ZNF714: variants seen among roughly 807,000 people sequenced by gnomAD.
The protein encoded by ZNF714 is zinc finger protein 714.
A neutral mutation model predicts 46.2 loss-of-function variants in ZNF714; 32 were observed. The observed-to-expected ratio is 0.69, with a 90% CI of 0.52 to 0.93. The LOEUF (loss-of-function observed/expected upper bound fraction) is 0.93. Ranked by LOEUF, ZNF714 falls within the 40% of genes least tolerant of loss-of-function variation. The pLI, the probability that ZNF714 is intolerant of heterozygous loss-of-function variation, is 0.00. For synonymous variants in ZNF714, 199 were observed against 213.1 expected (o/e 0.93, Z 0.58); for missense variants, 635 against 646.3 (o/e 0.98, Z 0.19).
Position 21,118,243 on chromosome 19 carries a change from G to A in ZNF714, c.1579G>A (p.Gly527Arg). 1.3e-6 allele frequency: 2 copies of A among 1,538,952 alleles called. No individual in the cohort carries two copies. The highest frequency in any genetic ancestry group is 1.2e-5 in the South Asian group (1 of 86,356). ...ACTAGGTGAGCAGATCGCGAGGTCA[G>A]GAGTTCAAGACCAGCCTGGCCAACA... Reference protein sequence around the residue: ...RGLGEQIARSGVQDQPGQHGK... With the variant: ...RGLGEQIARSRVQDQPGQHGK... The change falls in exon 5 of 5, where the codon GGA becomes AGA. Residue 527 changes from glycine to arginine, a missense_variant. Coordinates refer to ENST00000456283, the MANE Select transcript of ZNF714 (RefSeq NM_182515.4).
At chr19:21,093,594 A>G (rs780874128) in intron 2 of ZNF714, among the ~76,000 whole-genome samples, 25 of 151,886 alleles carry the variant, frequency 1.6e-4, no homozygotes, top group Non-Finnish European at 2.8e-4. Flanking sequence ...TCATGTTTAC[A>G]TACCATACTT....
chr19:21,105,486 T>C (rs1969289101), intron 4 of ZNF714, among the ~76,000 whole-genome samples: 1 of 152,230 alleles, frequency 6.6e-6, no homozygotes, highest in Admixed American at 6.5e-5. Flanking sequence ...GTGCAGAAAT[T>C]CTGAAGTATA....
intron 2 of ZNF714, among the ~76,000 whole-genome samples, chr19:21,096,680 T>C (rs1969048817): frequency 1.3e-5 from 2 of 152,126 alleles, no homozygotes; most frequent in Non-Finnish European, 2.9e-5. Flanking sequence ...ATTAAAAGTG[T>C]TCCTTTTGTG....
chr19:21,109,558 A>C (rs1969398754), intron 4 of ZNF714: 1 of 228,618 alleles, frequency 4.4e-6, no homozygotes, highest in Admixed American at 6.5e-5. Flanking sequence ...ATATAAAGTT[A>C]CTATTACCAG....
At position 21,098,910 on chromosome 19, in the gene ZNF714, G is replaced by A; in HGVS notation, c.142G>A (p.Ala48Thr). ...KICEMVDESPAMCSSFTRDLW... is the reference protein window; with the variant it reads ...KICEMVDESPTMCSSFTRDLW... ...ATGTGAGATGGTGGATGAATCCCCA[G>A]GTAGGTGAGAGTGAACACAACAGAT... The change falls in exon 4 of 5, where the codon GCT becomes ACT. Residue 48 changes from alanine to threonine, a missense_variant and splice_region_variant. Ala to Thr is a moderately conservative substitution (Grantham distance 58, BLOSUM62 0). Coordinates refer to ENST00000456283, the MANE Select transcript of ZNF714 (RefSeq NM_182515.4). 6.3e-7 allele frequency: 1 copy of A among 1,588,552 alleles called. No individual in the cohort carries two copies. Among genetic ancestry groups the A allele is most frequent in the Non-Finnish European group, 8.6e-7 (1 of 1,162,102 alleles).
At chr19:21,090,221 A>G (rs1312872350) in intron 2 of ZNF714, among the ~76,000 whole-genome samples, 2 of 152,202 alleles carry the variant, frequency 1.3e-5, no homozygotes, top group African/African-American at 4.8e-5. Flanking sequence ...GAAAAGAGAG[A>G]AAAAGCATTG....
intron 4 of ZNF714, among the ~76,000 whole-genome samples, chr19:21,106,435 G>A (rs113004412): frequency 0.015 from 2,227 of 151,484 alleles, 62 homozygotes; most frequent in African/African-American, 0.052. Context: ...TGGGCGTGGT[G>A]GCAGGCGCCT....
At chr19:21,084,988 A>G (rs895309148) in intron 2 of ZNF714, among the ~76,000 whole-genome samples, 1 of 152,218 alleles carries the variant, frequency 6.6e-6, no homozygotes, top group Non-Finnish European at 1.5e-5. Context: ...GCTTAATTAT[A>G]TATTCCATTT....
rs1261624824 is a variant in ZNF714 at position 21,122,153 on chromosome 19, CATG to C, written c.*3823_*3825del. 2 of 152,082 alleles carry C rather than the reference CATG, an allele frequency of 1.3e-5. No homozygotes were observed. The highest frequency in any genetic ancestry group is 1.9e-4 in the East Asian group (1 of 5,196). The allele number at this position is 152,082 out of a possible 1,614,324, so 9.4% of individuals were successfully genotyped here. On this transcript the variant is annotated 3_prime_UTR_variant, in exon 5 of 5. Transcript: ENST00000456283. ...GTAAGTACTGGGGGGCTTCATAAGT[CATG>C]AGGATGTTTTTATATATAAATGTAG...
At chr19:21,099,931 C>CT (rs1341822940) in intron 4 of ZNF714, among the ~76,000 whole-genome samples, 4 of 152,172 alleles carry the variant, frequency 2.6e-5, no homozygotes, top group Non-Finnish European at 4.4e-5. Flanking sequence ...TCTCAGCTCA[C>CT]TGCAACCTCC....
chr19:21,090,651 G>T (rs59499960), intron 2 of ZNF714, among the ~76,000 whole-genome samples: 8,998 of 152,074 alleles, frequency 0.059, 658 homozygotes, highest in African/African-American at 0.18. Context: ...GATGTTACTG[G>T]AAAGAAGTTC....
chr19:21,102,273 A>G (rs1969199516), intron 4 of ZNF714, among the ~76,000 whole-genome samples: 1 of 152,220 alleles, frequency 6.6e-6, no homozygotes, highest in Non-Finnish European at 1.5e-5. Flanking sequence ...CATTTAGGAC[A>G]ATATGCTAGA....
chr19:21,091,852 G>A (rs1347449570), intron 2 of ZNF714: 1 of 152,150 alleles, frequency 6.6e-6, no homozygotes, highest in Non-Finnish European at 1.5e-5. Context: ...CAGTAGCTCA[G>A]AAGCATAGAT....
intron 2 of ZNF714, among the ~76,000 whole-genome samples, chr19:21,092,795 T>C (rs1301300415): frequency 6.6e-6 from 1 of 152,218 alleles, no homozygotes; most frequent in African/African-American, 2.4e-5. Context: ...CCATGTGTTC[T>C]TATTATTTAG....
intron 4 of ZNF714, 36 bp downstream of exon 4, chr19:21,098,946 A>G (rs1310469685): frequency 5.7e-6 from 6 of 1,058,732 alleles, no homozygotes; most frequent in South Asian, 1.5e-5. Context: ...GACACAGATG[A>G]GAGGTACAAA....
intron 2 of ZNF714, among the ~76,000 whole-genome samples, chr19:21,090,552 T>C (rs1428860908): frequency 6.6e-6 from 1 of 152,152 alleles, no homozygotes; most frequent in Non-Finnish European, 1.5e-5. Context: ...CCCAGGTATA[T>C]GCACCCCACT....
Position 21,084,055 on chromosome 19 carries a change from T to A in ZNF714, c.-99T>A. On this transcript the variant is annotated 5_prime_UTR_variant, in exon 2 of 5. Transcript: ENST00000456283. Reference sequence around the variant, plus strand: ...GGCAGAGAGGAAGCTTCTAGTGTACTCTTACTTTGAAAAGGTAATCAGATG... The same window carrying A: ...GGCAGAGAGGAAGCTTCTAGTGTACACTTACTTTGAAAAGGTAATCAGATG... The A allele has an allele frequency of 8.5e-7, 1 of 1,178,034 alleles. No homozygotes were observed. 73.0% of individuals were successfully genotyped at this position (1,178,034 alleles called of 1,614,324 possible). A position where few individuals can be genotyped will look rare whatever the true frequency, so the allele number is the denominator to read the frequency against.
chr19:21,098,987 T>G, intron 4 of ZNF714, 77 bp downstream of exon 4: 1 of 883,958 alleles, frequency 1.1e-6, no homozygotes, highest in Non-Finnish European at 1.7e-6. Context: ...AAGCCGGCCC[T>G]TACAATGTGA....
rs1969618471 is a variant in ZNF714, at chr19:21,117,257, A to G, written c.593A>G (p.Glu198Gly). ...AGACACAAGAGAGTTCATACTGGAG[A>G]GAAACCCTTCAAATGTGAAGAATGT... ...LTRHKRVHTG[E>G]KPFKCEECGK... Residue 198 changes from glutamate to glycine, a missense_variant, in exon 5 of 5, where the codon GAG becomes GGG. Transcript: ENST00000456283. The G allele has an allele frequency of 6.2e-7, 1 of 1,614,042 alleles. No homozygotes were observed. The highest frequency in any genetic ancestry group is 8.5e-7 in the Non-Finnish European group (1 of 1,179,938).
Sources: gnomAD v4.1 joint callset for allele counts (sites outside exome capture counted in the v4.1 genomes callset) on GRCh38, gnomAD v4.1.1 for gene constraint, MANE v1.5 for transcripts, NCBI Gene and HGNC (gene_info 2026-07-23, HGNC 2026-07-21) for gene names.